JAZF1: variants seen among roughly 807,000 people sequenced by gnomAD.
JAZF1 encodes the protein juxtaposed with another zinc finger protein 1.
In JAZF1, 8 loss-of-function variants were observed where a neutral mutation model predicts 26.4. That is an observed-to-expected ratio of 0.30 (90% CI 0.18 to 0.55). JAZF1 has a LOEUF of 0.55. Ranked by LOEUF, JAZF1 falls within the 20% of genes least tolerant of loss-of-function variation. The pLI is 0.94. For missense variants in JAZF1, 199 were observed against 322.0 expected (o/e 0.62, Z 2.92); for synonymous variants, 126 against 122.3 (o/e 1.03, Z -0.20).
intron 2 of JAZF1, among the ~76,000 whole-genome samples, chr7:27,985,495 C>A (rs1339454269): frequency 6.6e-6 from 1 of 152,130 alleles, no homozygotes; most frequent in African/African-American, 2.4e-5. Flanking sequence ...CAGGACCAGA[C>A]AGATTCACAG....
chr7:27,846,157 C>T (rs1215695548), intron 3 of JAZF1, among the ~76,000 whole-genome samples: 2 of 152,090 alleles, frequency 1.3e-5, no homozygotes, highest in African/African-American at 2.4e-5. Context: ...GTTTTATTCC[C>T]TATCTCTGTA....
chr7:28,176,832 C>T (rs1323151238), intron 1 of JAZF1, among the ~76,000 whole-genome samples: 1 of 152,076 alleles, frequency 6.6e-6, no homozygotes, highest in East Asian at 1.9e-4. Context: ...CACTGGGATG[C>T]AGGGTTGTAG....
chr7:27,958,662 G>A (rs1785139186), intron 2 of JAZF1, among the ~76,000 whole-genome samples: 1 of 152,162 alleles, frequency 6.6e-6, no homozygotes, highest in Non-Finnish European at 1.5e-5. Context: ...TCGAGCCAGG[G>A]GTCCAGTTCT....
chr7:28,176,095 A>G (rs956643261), intron 1 of JAZF1, among the ~76,000 whole-genome samples: 15 of 152,312 alleles, frequency 9.8e-5, no homozygotes, highest in African/African-American at 3.6e-4. Context: ...GGTTTTGGAG[A>G]TGAGGAAACT....
At chr7:28,083,077 C>G (rs1422395017) in intron 1 of JAZF1, among the ~76,000 whole-genome samples, 1 of 152,182 alleles carries the variant, frequency 6.6e-6, no homozygotes, top group African/African-American at 2.4e-5. Flanking sequence ...TTTCCCTCAT[C>G]CAAATCCCCT....
chr7:27,878,423 G>A (rs899010183), intron 3 of JAZF1, among the ~76,000 whole-genome samples: 3 of 152,166 alleles, frequency 2.0e-5, no homozygotes, highest in African/African-American at 7.2e-5. Context: ...TCCTTATGGA[G>A]TGTGAAACAC....
chr7:28,092,290 CAAAAAAAAAAAAAAAAAAA>C (rs749913273), intron 1 of JAZF1, among the ~76,000 whole-genome samples: 16 of 12,802 alleles, frequency 1.2e-3, no homozygotes, highest in African/African-American at 2.8e-3. Flanking sequence ...GGACAAAAGG[CAAAAAAAAAAAAAAAAAAA>C]AAAAAAAAAA....
chr7:27,996,749 C>T (rs1195209231), intron 1 of JAZF1, among the ~76,000 whole-genome samples: 1 of 152,232 alleles, frequency 6.6e-6, no homozygotes, highest in African/African-American at 2.4e-5. Flanking sequence ...GGGGTGTTAT[C>T]AAGGCATATC....
At chr7:28,000,128 T>C (rs1436326448) in intron 1 of JAZF1, among the ~76,000 whole-genome samples, 5 of 151,748 alleles carry the variant, frequency 3.3e-5, no homozygotes, top group Non-Finnish European at 5.9e-5. Flanking sequence ...AGTTGAAGAG[T>C]ATTAGTTGCA....
intron 3 of JAZF1, among the ~76,000 whole-genome samples, chr7:27,876,318 G>T (rs1184885934): frequency 3.3e-5 from 5 of 152,038 alleles, no homozygotes; most frequent in Non-Finnish European, 7.4e-5. Context: ...CTTGATTTTT[G>T]GTATTTCTGA....
chr7:27,901,989 C>T (rs745722381), intron 2 of JAZF1, among the ~76,000 whole-genome samples: 4 of 152,144 alleles, frequency 2.6e-5, no homozygotes, highest in Non-Finnish European at 4.4e-5. Context: ...AGGCCTGCAA[C>T]CTGCAATTTT....
chr7:28,009,704 C>T (rs71539554), intron 1 of JAZF1, among the ~76,000 whole-genome samples: 25,593 of 152,072 alleles, frequency 0.17, 2,463 homozygotes, highest in South Asian at 0.24. Context: ...AGGCTGGTCT[C>T]GATCTCCTGA....
intron 1 of JAZF1, among the ~76,000 whole-genome samples, chr7:28,069,128 TG>T (rs1344338361): frequency 6.6e-6 from 1 of 152,208 alleles, no homozygotes; most frequent in African/African-American, 2.4e-5. Flanking sequence ...AGAGAGGGGA[TG>T]GAAGAGCCCA....
chr7:27,978,005 T>C (rs945601739), intron 2 of JAZF1, among the ~76,000 whole-genome samples: 1 of 152,230 alleles, frequency 6.6e-6, no homozygotes, highest in Middle Eastern at 3.2e-3. Flanking sequence ...GAAATCATGA[T>C]GGAAATTTAA....
intron 1 of JAZF1, among the ~76,000 whole-genome samples, chr7:28,061,137 G>C (rs1425548033): frequency 1.3e-5 from 2 of 152,212 alleles, no homozygotes; most frequent in African/African-American, 4.8e-5. Flanking sequence ...ATGGGTTTTT[G>C]TAAGGATCAA....
intron 1 of JAZF1, among the ~76,000 whole-genome samples, chr7:28,001,247 G>A (rs1418718742): frequency 6.6e-6 from 1 of 151,966 alleles, no homozygotes; most frequent in Non-Finnish European, 1.5e-5. Flanking sequence ...AGCTACATGT[G>A]AGGCTGAGAT....
intron 2 of JAZF1, among the ~76,000 whole-genome samples, chr7:27,955,330 A>G (rs567298386): frequency 6.6e-6 from 1 of 152,334 alleles, no homozygotes; most frequent in Admixed American, 6.5e-5. Context: ...CATTTCATTT[A>G]CAACAGTGCT....
chr7:27,853,173 T>A (rs1160067885), intron 3 of JAZF1, among the ~76,000 whole-genome samples: 3 of 152,232 alleles, frequency 2.0e-5, no homozygotes, highest in African/African-American at 7.2e-5. Context: ...CTATGGAAGA[T>A]AAGAGTTTTG....
At position 28,158,168 on chromosome 7, in the gene JAZF1, A is replaced by C. The variant is rs4992334; in HGVS notation, c.115+22295T>G. 5.0e-3 allele frequency among the ~76,000 whole-genome samples: 718 copies of C among 142,350 alleles called. 2 individuals carry two copies. Among genetic ancestry groups the C allele is most frequent in the African/African-American group, 8.9e-3 (338 of 38,072 alleles). The allele number at this position is 142,350 out of a possible 152,430, so 93.4% of individuals were successfully genotyped here. On this transcript the variant is annotated intron_variant, in intron 1 of 4. Transcript: ENST00000283928. ...ACGCGCGCACACACACACACACACA[A>C]ACACACACACACACACACAGAGAGA...
Sources: gnomAD v4.1 joint callset for allele counts (sites outside exome capture counted in the v4.1 genomes callset) on GRCh38, gnomAD v4.1.1 for gene constraint, MANE v1.5 for transcripts, NCBI Gene and HGNC (gene_info 2026-07-23, HGNC 2026-07-21) for gene names.